The following FHIT variants were observed in gnomAD, a reference collection of about 807,000 sequenced individuals.
The protein encoded by FHIT is fragile histidine triad diadenosine triphosphatase.
In FHIT, 19 loss-of-function variants were observed where a neutral mutation model predicts 17.9. The observed-to-expected ratio is 1.06, with a 90% CI of 0.74 to 1.56. FHIT has a LOEUF of 1.56. FHIT is among the 40% of genes most tolerant of loss of function. The probability of loss-of-function intolerance (pLI) is 0.00; values close to 1 mark genes in which losing one functional copy is unlikely to be tolerated. For missense variants in FHIT, 248 were observed against 189.2 expected, an observed-to-expected ratio of 1.31 and a Z score of -1.82; for synonymous variants, 81 against 69.7, an observed-to-expected ratio of 1.16 and a Z score of -0.81.
chr3:61,093,356 CT>C (rs2106820190), intron 2 of FHIT, among the ~76,000 whole-genome samples: 1 of 152,252 alleles, frequency 6.6e-6, no homozygotes, highest in African/African-American at 2.4e-5. Flanking sequence ...CTGGAGACAT[CT>C]GTGATTGTCA....
intron 8 of FHIT, among the ~76,000 whole-genome samples, chr3:59,837,932 C>G (rs1272458756): frequency 6.6e-6 from 1 of 152,092 alleles, no homozygotes. Flanking sequence ...TGTAAAGAGC[C>G]TAGAACAGTG....
chr3:60,528,715 C>A (rs2035664062), intron 5 of FHIT, among the ~76,000 whole-genome samples: 1 of 152,140 alleles, frequency 6.6e-6, no homozygotes, highest in African/African-American at 2.4e-5. Context: ...TCTACTGAGA[C>A]CATGTGCATT....
intron 8 of FHIT, among the ~76,000 whole-genome samples, chr3:59,797,108 G>C (rs1167089784): frequency 6.6e-6 from 1 of 151,722 alleles, no homozygotes; most frequent in South Asian, 2.1e-4. Context: ...AAAGAGAAAA[G>C]TGTAAGACAG....
intron 5 of FHIT, among the ~76,000 whole-genome samples, chr3:60,490,225 G>A (rs564791905): frequency 1.3e-5 from 2 of 151,972 alleles, no homozygotes; most frequent in East Asian, 3.9e-4. Flanking sequence ...GCCAAGACAA[G>A]GGTGATCATC....
At chr3:59,990,594 C>T (rs1465019592) in intron 7 of FHIT, among the ~76,000 whole-genome samples, 2 of 151,978 alleles carry the variant, frequency 1.3e-5, no homozygotes, top group South Asian at 4.1e-4. Context: ...TGAGCATTTA[C>T]CATTACTGCA....
At chr3:60,993,581 G>A (rs749235877) in intron 3 of FHIT, among the ~76,000 whole-genome samples, 4 of 152,096 alleles carry the variant, frequency 2.6e-5, no homozygotes, top group Non-Finnish European at 5.9e-5. Context: ...ACCACCCAGG[G>A]AGATAAAACA....
chr3:60,385,698 T>C (rs1205800296), intron 5 of FHIT, among the ~76,000 whole-genome samples: 1 of 152,096 alleles, frequency 6.6e-6, no homozygotes, highest in Non-Finnish European at 1.5e-5. Flanking sequence ...TCCTGCCTCA[T>C]CTACCTGAGT....
intron 8 of FHIT, among the ~76,000 whole-genome samples, chr3:59,902,441 A>T (rs1412494655): frequency 6.6e-6 from 1 of 152,122 alleles, no homozygotes; most frequent in African/African-American, 2.4e-5. Context: ...CCACTCCTGG[A>T]TATAGAACCA....
intron 5 of FHIT, among the ~76,000 whole-genome samples, chr3:60,327,919 A>G (rs1365763868): frequency 6.6e-6 from 1 of 152,190 alleles, no homozygotes; most frequent in Non-Finnish European, 1.5e-5. Flanking sequence ...GACAAGAGCA[A>G]GAGCAGGAGG....
At chr3:60,680,357 TTA>T (rs1159832030) in intron 4 of FHIT, among the ~76,000 whole-genome samples, 4 of 152,226 alleles carry the variant, frequency 2.6e-5, no homozygotes, top group Non-Finnish European at 5.9e-5. Flanking sequence ...CTTCTCCAAT[TTA>T]TGTTTCTTCA....
In FHIT at chr3:59,864,436, C is replaced by T. The variant is rs1702545107; in HGVS notation, c.348+57910G>A. On this transcript the variant is annotated intron_variant, in intron 8 of 9. Transcript: ENST00000492590. ...CTGAGGACTCCCCAGCCATGTGGAACTGTAAGTCCAATTAAACCTCTTTTT... is the reference window on the plus strand; with the variant it reads ...CTGAGGACTCCCCAGCCATGTGGAATTGTAAGTCCAATTAAACCTCTTTTT... Among the ~76,000 whole-genome samples the T allele has an allele frequency of 2.6e-5, 4 of 152,136 alleles. No homozygotes were observed. In the South Asian group the frequency reaches 6.2e-4, roughly 24 times the overall value.
At chr3:61,236,640 A>G (rs1440710730) in intron 1 of FHIT, among the ~76,000 whole-genome samples, 1 of 152,218 alleles carries the variant, frequency 6.6e-6, no homozygotes. Context: ...CCCAGAGAAA[A>G]GAGACTTGCA....
At chr3:60,903,564 A>T (rs1011637709) in intron 3 of FHIT, among the ~76,000 whole-genome samples, 3 of 152,224 alleles carry the variant, frequency 2.0e-5, no homozygotes, top group Non-Finnish European at 4.4e-5. Context: ...ATCACAACAC[A>T]ATTAATTTAG....
At chr3:61,135,859 C>CA (rs1241915368) in intron 2 of FHIT, among the ~76,000 whole-genome samples, 6 of 151,962 alleles carry the variant, frequency 3.9e-5, no homozygotes, top group Admixed American at 3.9e-4. Context: ...AAACCAGCTA[C>CA]AAAATACCAC....
At chr3:59,750,282 A>C (rs1340834164) in intron 9 of FHIT, 1 of 224,330 alleles carries the variant, frequency 4.5e-6, no homozygotes, top group African/African-American at 2.2e-5. Context: ...CTTGGGAAAA[A>C]GGCTAAAGCT....
chr3:60,349,914 T>C (rs75619449), intron 5 of FHIT, among the ~76,000 whole-genome samples: 21,675 of 152,114 alleles, frequency 0.14, 1,642 homozygotes, highest in Non-Finnish European at 0.16. Context: ...TTGACATCTG[T>C]TTTCTCAAGC....
chr3:61,029,605 C>CA (rs1188609968), intron 3 of FHIT, among the ~76,000 whole-genome samples: 14 of 152,108 alleles, frequency 9.2e-5, no homozygotes, highest in Admixed American at 1.3e-4. Flanking sequence ...AACTGTCATA[C>CA]AAAAAAACAG....
intron 5 of FHIT, among the ~76,000 whole-genome samples, chr3:60,127,209 A>C (rs1278896324): frequency 1.3e-5 from 2 of 152,122 alleles, no homozygotes; most frequent in Non-Finnish European, 2.9e-5. Flanking sequence ...AATAGACCCC[A>C]ACCCAGGGGA....
At chr3:59,934,897 A>G (rs910771698) in intron 7 of FHIT, among the ~76,000 whole-genome samples, 1 of 152,120 alleles carries the variant, frequency 6.6e-6, no homozygotes, top group African/African-American at 2.4e-5. Context: ...GGGAACTACA[A>G]TTCAAGATGA....
Sources: allele counts gnomAD v4.1 joint callset (sites outside exome capture counted in the v4.1 genomes callset), GRCh38; gene constraint gnomAD v4.1.1; transcripts MANE v1.5; gene names NCBI Gene and HGNC (gene_info 2026-07-23, HGNC 2026-07-21).